The following SDK1 variants were observed in gnomAD, a reference collection of about 807,000 sequenced individuals.
The protein encoded by SDK1 is sidekick cell adhesion molecule 1, also known as protein sidekick-1.
In SDK1, 157 loss-of-function variants were observed where a neutral mutation model predicts 245.5. The ratio of observed to expected loss-of-function variants is 0.64; its 90% CI spans 0.56 to 0.73. The LOEUF is 0.73. SDK1 is among the 30% of genes least tolerant of loss of function. The pLI, the probability that SDK1 is intolerant of heterozygous loss-of-function variation, is 0.00. For synonymous variants in SDK1, 1,647 were observed against 1,278.5 expected (o/e 1.29, Z -6.15); for missense variants, 3,583 against 3,002.3 (o/e 1.19, Z -4.52).
intron 5 of SDK1, among the ~76,000 whole-genome samples, chr7:3,922,334 C>A (rs1035331747): frequency 6.6e-6 from 1 of 152,212 alleles, no homozygotes; most frequent in African/African-American, 2.4e-5. Context: ...ACCCTGGGCA[C>A]CTCCTCCCAG....
chr7:3,357,504 G>C (rs558639190), intron 1 of SDK1, among the ~76,000 whole-genome samples: 31 of 151,264 alleles, frequency 2.0e-4, no homozygotes, highest in African/African-American at 6.8e-4. Context: ...TGCATGCCAC[G>C]ATACCTGGCT....
At chr7:3,828,293 TAATA>T (rs1013752533) in intron 5 of SDK1, among the ~76,000 whole-genome samples, 8 of 151,736 alleles carry the variant, frequency 5.3e-5, no homozygotes, top group African/African-American at 9.7e-5. Context: ...AAAATAATAA[TAATA>T]AATAAATAAA....
chr7:3,637,189 C>T (rs1782486722), intron 2 of SDK1, among the ~76,000 whole-genome samples: 1 of 152,062 alleles, frequency 6.6e-6, no homozygotes, highest in South Asian at 2.1e-4. Flanking sequence ...CCTCCGCCTC[C>T]CGAGTTCAAG....
intron 1 of SDK1, among the ~76,000 whole-genome samples, chr7:3,327,488 T>A (rs1350077642): frequency 1.3e-5 from 2 of 152,138 alleles, no homozygotes; most frequent in African/African-American, 4.8e-5. Context: ...CCTGAGATGA[T>A]CTTTGTCAGG....
At chr7:3,606,110 C>G (rs1365205912) in intron 1 of SDK1, among the ~76,000 whole-genome samples, 1 of 152,144 alleles carries the variant, frequency 6.6e-6, no homozygotes, top group Non-Finnish European at 1.5e-5. Flanking sequence ...CAACACTGAG[C>G]TCTTGTTCTT....
intron 26 of SDK1, among the ~76,000 whole-genome samples, 164 bp downstream of exon 26, chr7:4,127,660 C>T (rs1005709732): frequency 1.3e-5 from 2 of 152,252 alleles, no homozygotes; most frequent in Non-Finnish European, 2.9e-5. Context: ...ATCTAAGCCT[C>T]ATTGCAGCCT....
chr7:3,582,861 C>T (rs779599235), intron 1 of SDK1, among the ~76,000 whole-genome samples: 28 of 152,152 alleles, frequency 1.8e-4, no homozygotes, highest in Non-Finnish European at 3.1e-4. Flanking sequence ...CAACTCAGAG[C>T]GTGGCAACAA....
At chr7:4,125,091 G>A (rs1043228352) in intron 25 of SDK1, among the ~76,000 whole-genome samples, 4 of 150,762 alleles carry the variant, frequency 2.7e-5, no homozygotes, top group Non-Finnish European at 5.9e-5. Flanking sequence ...ATGGATGATG[G>A]ATGGATGAGT....
chr7:3,363,431 G>C (rs774849227), intron 1 of SDK1, among the ~76,000 whole-genome samples: 4 of 151,922 alleles, frequency 2.6e-5, no homozygotes, highest in African/African-American at 9.7e-5. Context: ...ATAAACATTT[G>C]TCTATAGATT....
intron 5 of SDK1, among the ~76,000 whole-genome samples, chr7:3,845,619 A>T (rs10951336): frequency 0.24 from 36,572 of 150,574 alleles, 4,623 homozygotes; most frequent in Middle Eastern, 0.39. Flanking sequence ...CCTAAAAGCC[A>T]CTCTTGGCTC....
At chr7:3,533,865 C>G (rs1368408088) in intron 1 of SDK1, among the ~76,000 whole-genome samples, 1 of 150,966 alleles carries the variant, frequency 6.6e-6, no homozygotes, top group African/African-American at 2.4e-5. Flanking sequence ...TCTTTGTTGC[C>G]TGTTTCATCT....
At chr7:3,707,301 T>C (rs1392225905) in intron 4 of SDK1, among the ~76,000 whole-genome samples, 1 of 152,266 alleles carries the variant, frequency 6.6e-6, no homozygotes, top group Non-Finnish European at 1.5e-5. Context: ...TTGATTTCAT[T>C]GTCAATTCAA....
intron 1 of SDK1, among the ~76,000 whole-genome samples, chr7:3,460,010 T>G (rs1780785649): frequency 6.6e-6 from 1 of 152,254 alleles, no homozygotes; most frequent in Admixed American, 6.5e-5. Flanking sequence ...GCCAAACATT[T>G]TAAAATTAAG....
At chr7:4,081,683 G>A (rs778673168) in intron 22 of SDK1, among the ~76,000 whole-genome samples, 4 of 152,052 alleles carry the variant, frequency 2.6e-5, no homozygotes, top group South Asian at 2.1e-4. Flanking sequence ...CTCCCAAATC[G>A]CTGGGATTAC....
At chr7:4,150,566 C>T (rs1379813716) in intron 30 of SDK1, among the ~76,000 whole-genome samples, 1 of 152,210 alleles carries the variant, frequency 6.6e-6, no homozygotes, top group African/African-American at 2.4e-5. Flanking sequence ...TCATATCCCC[C>T]ACCCAGCCTC....
intron 39 of SDK1, among the ~76,000 whole-genome samples, chr7:4,220,865 C>T (rs1157314051): frequency 6.6e-6 from 1 of 151,852 alleles, no homozygotes; most frequent in African/African-American, 2.4e-5. Context: ...TCAACCTCCC[C>T]CGGCTGAAGC....
intron 4 of SDK1, among the ~76,000 whole-genome samples, chr7:3,768,720 T>C (rs1452643221): frequency 6.6e-6 from 1 of 152,162 alleles, no homozygotes; most frequent in African/African-American, 2.4e-5. Flanking sequence ...ACGTTTATGC[T>C]CAACACTGAG....
chr7:3,728,851 C>A (rs117402291), intron 4 of SDK1, among the ~76,000 whole-genome samples: 1 of 151,952 alleles, frequency 6.6e-6, no homozygotes, highest in Non-Finnish European at 1.5e-5. Flanking sequence ...GGTAACCCGC[C>A]CACTTTGGCC....
At chr7:4,234,157 C>T (rs1208226488) in intron 41 of SDK1, among the ~76,000 whole-genome samples, 2 of 152,146 alleles carry the variant, frequency 1.3e-5, no homozygotes, top group African/African-American at 4.8e-5. Context: ...GCGGAGGGGC[C>T]GGGGATAGTA....
Sources: gnomAD v4.1 joint callset for allele counts (sites outside exome capture counted in the v4.1 genomes callset) on GRCh38, gnomAD v4.1.1 for gene constraint, MANE v1.5 for transcripts, NCBI Gene and HGNC (gene_info 2026-07-23, HGNC 2026-07-21) for gene names.